The following LRRTM4 variants were observed in gnomAD, a reference collection of about 807,000 sequenced individuals.
LRRTM4 encodes the protein leucine rich repeat transmembrane neuronal 4.
In LRRTM4, 25 loss-of-function variants were observed where a neutral mutation model predicts 47.6. That is an observed-to-expected ratio of 0.53 (90% CI 0.38 to 0.73). The LOEUF is 0.73. Among genes scored for constraint, LRRTM4 ranks in the 30% least tolerant of loss-of-function variants. The pLI, the probability that LRRTM4 is intolerant of heterozygous loss-of-function variation, is 0.00. For synonymous variants in LRRTM4, 311 were observed against 269.5 expected (o/e 1.15, Z -1.51); for missense variants, 638 against 713.4 (o/e 0.89, Z 1.20).
At chr2:76,776,703 T>A (rs1257453675) in intron 3 of LRRTM4, among the ~76,000 whole-genome samples, 22 of 146,704 alleles carry the variant, frequency 1.5e-4, no homozygotes, top group African/African-American at 4.7e-4. Flanking sequence ...TCCCATTTTG[T>A]AGGTTGCCTG....
chr2:77,355,500 G>C (rs1189937171), intron 3 of LRRTM4, among the ~76,000 whole-genome samples: 1 of 152,006 alleles, frequency 6.6e-6, no homozygotes, highest in Non-Finnish European at 1.5e-5. Flanking sequence ...ATTACTTTCA[G>C]GGCAACAAAT....
intron 3 of LRRTM4, among the ~76,000 whole-genome samples, chr2:77,083,783 CTTTTTTTTTTTTTTT>C (rs386390525): frequency 4.0e-4 from 21 of 52,398 alleles, no homozygotes; most frequent in South Asian, 6.8e-4. Flanking sequence ...ACTGGACACA[CTTTTTTTTTTTTTTT>C]TTTTTTTTTT....
intron 3 of LRRTM4, among the ~76,000 whole-genome samples, chr2:77,100,846 C>CTTTTT (rs752749316): frequency 7.3e-5 from 9 of 122,968 alleles, no homozygotes; most frequent in African/African-American, 1.2e-4. Flanking sequence ...AGCTCTGATT[C>CTTTTT]TTTTTTTTTT....
Position 77,345,236 on chromosome 2 carries a change from G to A in LRRTM4, c.1551+173082C>T, listed in dbSNP as rs375077239. Among the ~76,000 whole-genome samples, 38 of 151,598 alleles carry A rather than the reference G, an allele frequency of 2.5e-4. No individual in the cohort carries two copies. The East Asian group carries it at 7.0e-3, about 28-fold the overall frequency. On this transcript the variant is annotated intron_variant, in intron 3 of 3. Coordinates refer to ENST00000409884, the MANE Select transcript of LRRTM4 (RefSeq NM_001134745.3). ...TCAACAATCATATTAAATATAAATGGTGTAATCACAATAATTAAAAAGAAA... is the reference window on the plus strand; with the variant it reads ...TCAACAATCATATTAAATATAAATGATGTAATCACAATAATTAAAAAGAAA...
At chr2:76,980,017 C>A (rs756088449) in intron 3 of LRRTM4, among the ~76,000 whole-genome samples, 49 of 152,090 alleles carry the variant, frequency 3.2e-4, no homozygotes, top group Non-Finnish European at 6.6e-4. Context: ...AGCTCTAGAC[C>A]CAAGTTCAGC....
rs544341256 is a variant in LRRTM4, at chr2:76,765,820, G to T, written c.1552-16904C>A. ...TGCTAACATAGGCACCATCACCATGGCCTGGTAAGGCTTTGTATGAAGATA... is the reference window on the plus strand; with the variant it reads ...TGCTAACATAGGCACCATCACCATGTCCTGGTAAGGCTTTGTATGAAGATA... On this transcript the variant is annotated intron_variant, in intron 3 of 3. Transcript: ENST00000409884. 2.0e-5 allele frequency among the ~76,000 whole-genome samples: 3 copies of T among 152,330 alleles called. No individual in the cohort carries two copies. The South Asian group carries it at 6.2e-4, about 32-fold the overall frequency.
rs1402605533 is a variant in LRRTM4, at chr2:77,517,668, A to G, written c.1551+650T>C. 5 of 968,166 alleles carry G rather than the reference A, an allele frequency of 5.2e-6. No individual in the cohort carries two copies. In the African/African-American group the frequency reaches 9.0e-5, roughly 17 times the overall value. The allele number at this position is 968,166 out of a possible 1,614,324, so 60.0% of individuals were successfully genotyped here. Reference sequence around the variant, plus strand: ...GGAAGAGAAAGGAAGGAAAGGAAGGAGTGAAAGAAAGTAGGAAAGAAGGAA... The same window carrying G: ...GGAAGAGAAAGGAAGGAAAGGAAGGGGTGAAAGAAAGTAGGAAAGAAGGAA... On this transcript the variant is annotated intron_variant, in intron 3 of 3. Transcript: ENST00000409884.
intron 3 of LRRTM4, among the ~76,000 whole-genome samples, chr2:76,796,104 A>T (rs375629764): frequency 1.5e-5 from 2 of 132,408 alleles, no homozygotes; most frequent in African/African-American, 5.8e-5. Context: ...TGCGCTTTTC[A>T]GACAGGCTTA....
chr2:76,962,350 T>C (rs1426994023), intron 3 of LRRTM4, among the ~76,000 whole-genome samples: 1 of 151,144 alleles, frequency 6.6e-6, no homozygotes, highest in Non-Finnish European at 1.5e-5. Context: ...TGTGGCAAAC[T>C]CACAATCTTA....
At chr2:77,245,546 AAG>A (rs67106046) in intron 3 of LRRTM4, among the ~76,000 whole-genome samples, 8,156 of 51,924 alleles carry the variant, frequency 0.16, 363 homozygotes, top group African/African-American at 0.27. Context: ...AAAGAAGAAG[AAG>A]AGAAGAAGAG....
rs181028194 is a variant in LRRTM4 at position 77,157,020 on chromosome 2, C to T, written c.1551+361298G>A. ...AATATTTGTTATCAAACAGTAATAA[C>T]AATTGTTATTAAATATACAAGTTAT... On this transcript the variant is annotated intron_variant, in intron 3 of 3. Coordinates refer to ENST00000409884, the MANE Select transcript of LRRTM4 (RefSeq NM_001134745.3). Among the ~76,000 whole-genome samples the T allele has an allele frequency of 2.0e-5, 3 of 151,692 alleles. No individual in the cohort carries two copies. In the East Asian group the frequency reaches 5.8e-4, roughly 29 times the overall value.
At chr2:76,905,558 G>T (rs1351433068) in intron 3 of LRRTM4, among the ~76,000 whole-genome samples, 3 of 151,912 alleles carry the variant, frequency 2.0e-5, no homozygotes, top group Non-Finnish European at 4.4e-5. Flanking sequence ...CGAGCTACAG[G>T]AGGAAATTCA....
At chr2:77,254,157 A>G (rs1675699073) in intron 3 of LRRTM4, among the ~76,000 whole-genome samples, 1 of 152,050 alleles carries the variant, frequency 6.6e-6, no homozygotes, top group African/African-American at 2.4e-5. Flanking sequence ...AAGTATTGAA[A>G]GCAGAGAGAA....
intron 3 of LRRTM4, among the ~76,000 whole-genome samples, chr2:77,006,702 C>CT (rs1353825335): frequency 3.9e-5 from 6 of 152,056 alleles, no homozygotes; most frequent in Non-Finnish European, 1.5e-5. Flanking sequence ...AACCGGGAGA[C>CT]TAGAAGGGTC....
intron 3 of LRRTM4, among the ~76,000 whole-genome samples, chr2:77,237,688 T>C (rs1675141847): frequency 1.3e-5 from 2 of 152,148 alleles, no homozygotes; most frequent in African/African-American, 4.8e-5. Flanking sequence ...CAGAATCACA[T>C]AGGGCCTGGA....
intron 3 of LRRTM4, among the ~76,000 whole-genome samples, chr2:76,981,022 A>C (rs1676591032): frequency 6.6e-6 from 1 of 152,070 alleles, no homozygotes; most frequent in Non-Finnish European, 1.5e-5. Flanking sequence ...TAATGACTTG[A>C]TTAATGTAGT....
intron 3 of LRRTM4, among the ~76,000 whole-genome samples, chr2:77,277,994 C>T (rs1183976425): frequency 6.6e-6 from 1 of 151,950 alleles, no homozygotes; most frequent in African/African-American, 2.4e-5. Flanking sequence ...CTTTCTCTCT[C>T]TTTCTTTCCC....
At chr2:77,514,833 A>G (rs1027533929) in intron 3 of LRRTM4, among the ~76,000 whole-genome samples, 2 of 151,966 alleles carry the variant, frequency 1.3e-5, no homozygotes, top group Non-Finnish European at 2.9e-5. Flanking sequence ...ATCCTAGAAG[A>G]ACTAGATATT....
chr2:77,260,311 T>G (rs936947325), intron 3 of LRRTM4, among the ~76,000 whole-genome samples: 1 of 151,950 alleles, frequency 6.6e-6, no homozygotes, highest in Non-Finnish European at 1.5e-5. Flanking sequence ...AGGAGCTTCC[T>G]GCATTAGATT....
Sources: gnomAD v4.1 joint callset for allele counts (sites outside exome capture counted in the v4.1 genomes callset) on GRCh38, gnomAD v4.1.1 for gene constraint, MANE v1.5 for transcripts, NCBI Gene and HGNC (gene_info 2026-07-23, HGNC 2026-07-21) for gene names.